Variants in AFF2 observed in about 807,000 individuals in gnomAD.
The protein encoded by AFF2 is AF4/FMR2 family member 2.
AFF2 carries 14 observed loss-of-function variants against 76.9 expected under a neutral mutation model. That is an observed-to-expected ratio of 0.18 (90% CI 0.12 to 0.28). The LOEUF (loss-of-function observed/expected upper bound fraction) is 0.28, where lower values mean the gene tolerates loss of function less well. Among genes scored for constraint, AFF2 ranks in the 10% least tolerant of loss-of-function variants. The pLI, the probability that AFF2 is intolerant of heterozygous loss-of-function variation, is 1.00. For synonymous variants in AFF2, 398 were observed against 366.7 expected (o/e 1.09, Z -0.98); for missense variants, 868 against 1,001.1 (o/e 0.87, Z 1.79).
chrX:148,920,314 A>T (rs898150373), intron 9 of AFF2, among the ~76,000 whole-genome samples: 1 of 111,872 alleles, frequency 8.9e-6, no homozygotes, highest in Admixed American at 9.5e-5. Flanking sequence ...ATGTTAGTTT[A>T]TCCTGACATA....
intron 3 of AFF2, among the ~76,000 whole-genome samples, chrX:148,676,057 A>AT (rs59875267): frequency 0.028 from 2,525 of 91,470 alleles, 54 homozygotes; most frequent in African/African-American, 0.058. Flanking sequence ...ATGAATTGTG[A>AT]TTTTTTTTTT....
chrX:148,806,462 G>A (rs2070134865), intron 3 of AFF2, among the ~76,000 whole-genome samples: 1 of 111,801 alleles, frequency 8.9e-6, no homozygotes, highest in Non-Finnish European at 1.9e-5. Context: ...CGGTGAACCC[G>A]GTAGGTACCC....
intron 9 of AFF2, among the ~76,000 whole-genome samples, chrX:148,926,557 G>A (rs1315815734): frequency 1.8e-5 from 2 of 111,796 alleles, no homozygotes; most frequent in African/African-American, 6.5e-5. Flanking sequence ...TTGCAGAGCA[G>A]CAATGGAAGT....
chrX:148,538,130 A>G (rs1557236880), intron 1 of AFF2, among the ~76,000 whole-genome samples: 1 of 112,862 alleles, frequency 8.9e-6, no homozygotes, highest in Non-Finnish European at 1.9e-5. Context: ...ATTTGACTGA[A>G]TTCAAGAAAA....
At chrX:148,915,319 C>G (rs1246108340) in intron 9 of AFF2, among the ~76,000 whole-genome samples, 3 of 112,255 alleles carry the variant, frequency 2.7e-5, no homozygotes, top group African/African-American at 9.7e-5. Context: ...CCTCATGCAC[C>G]ATGGTAATTT....
intron 1 of AFF2, among the ~76,000 whole-genome samples, chrX:148,616,508 T>C (rs1557250354): frequency 9.0e-6 from 1 of 111,568 alleles, no homozygotes; most frequent in Non-Finnish European, 1.9e-5. Context: ...TGTAAGTTGG[T>C]ATACAATAAC....
At chrX:148,534,985 C>T (rs1350285627) in intron 1 of AFF2, among the ~76,000 whole-genome samples, 1 of 111,624 alleles carries the variant, frequency 9.0e-6, no homozygotes, top group African/African-American at 3.3e-5. Context: ...GCTTTGTGGT[C>T]AGAGAGACAT....
chrX:148,592,108 G>A (rs781810903), intron 1 of AFF2, among the ~76,000 whole-genome samples: 2 of 111,768 alleles, frequency 1.8e-5, no homozygotes, highest in African/African-American at 6.5e-5. Context: ...ACCATCAATC[G>A]AGCAGCTGCC....
chrX:148,812,568 T>C (rs1380610763), intron 4 of AFF2, among the ~76,000 whole-genome samples: 1 of 111,427 alleles, frequency 9.0e-6, no homozygotes, highest in Non-Finnish European at 1.9e-5. Flanking sequence ...ATTGTTTGCA[T>C]CTGCACCATG....
intron 3 of AFF2, among the ~76,000 whole-genome samples, chrX:148,775,463 G>C (rs1198748328): frequency 8.9e-6 from 1 of 112,080 alleles, no homozygotes; most frequent in East Asian, 2.8e-4. Context: ...GTGAAGCAAA[G>C]TGAGGACCAA....
At chrX:148,985,746 C>T (rs782506394) in intron 19 of AFF2, among the ~76,000 whole-genome samples, 10 of 110,618 alleles carry the variant, frequency 9.0e-5, no homozygotes, top group South Asian at 3.9e-4. Flanking sequence ...CAAGAAGTGA[C>T]GAAGTAGCTC....
chrX:148,599,555 T>G (rs2053607005), intron 1 of AFF2, among the ~76,000 whole-genome samples: 2 of 111,033 alleles, frequency 1.8e-5, no homozygotes, highest in Admixed American at 9.6e-5. Flanking sequence ...AGGCAGAAGA[T>G]ATAGGCAATC....
At chrX:148,763,501 A>G (rs1038767357) in intron 3 of AFF2, among the ~76,000 whole-genome samples, 2 of 109,920 alleles carry the variant, frequency 1.8e-5, no homozygotes, top group Admixed American at 2.0e-4. Context: ...AGTAGGTGAT[A>G]TGGCATGGTG....
At chrX:148,875,763 T>C in intron 7 of AFF2, among the ~76,000 whole-genome samples, 1 of 111,240 alleles carries the variant, frequency 9.0e-6, no homozygotes, top group Admixed American at 9.6e-5. Flanking sequence ...AAGTATATTT[T>C]TGGCCTCTAT....
intron 2 of AFF2, among the ~76,000 whole-genome samples, chrX:148,661,050 T>G (rs1557257649): frequency 8.9e-6 from 1 of 112,619 alleles, no homozygotes; most frequent in African/African-American, 3.2e-5. Flanking sequence ...GTAGCTGGTA[T>G]ACTGATTGTC....
Position 148,745,013 on chromosome X carries a change from A to G in AFF2, c.1042-64863A>G, listed in dbSNP as rs782226595. On this transcript the variant is annotated intron_variant, in intron 3 of 20. Transcript: ENST00000370460. ...ATAAAGGATAGGCTAGGATTTTTCA[A>G]GTTGTCTCTACCATGGCACAGGGAA... 1.3e-4 allele frequency among the ~76,000 whole-genome samples: 14 copies of G among 111,654 alleles called. No individual in the cohort carries two copies. The East Asian group carries it at 3.1e-3, about 25-fold the overall frequency.
intron 8 of AFF2, among the ~76,000 whole-genome samples, chrX:148,893,067 A>G (rs960987227): frequency 1.8e-5 from 2 of 112,148 alleles, no homozygotes; most frequent in Non-Finnish European, 3.8e-5. Flanking sequence ...GAATGATAGC[A>G]TTTGGGCCGT....
At chrX:148,614,693 T>C (rs782706113) in intron 1 of AFF2, among the ~76,000 whole-genome samples, 3 of 56,122 alleles carry the variant, frequency 5.3e-5, no homozygotes, top group Admixed American at 3.3e-4. Flanking sequence ...TCCTTCTTTC[T>C]TTTCTTTCTT....
chrX:148,559,319 G>A (rs1452234464), intron 1 of AFF2, among the ~76,000 whole-genome samples: 1 of 111,153 alleles, frequency 9.0e-6, no homozygotes, highest in Non-Finnish European at 1.9e-5. Context: ...TGTGGAGAAC[G>A]TTACAGGATT....
Sources: allele counts gnomAD v4.1 joint callset (sites outside exome capture counted in the v4.1 genomes callset), GRCh38; gene constraint gnomAD v4.1.1; transcripts MANE v1.5; gene names NCBI Gene and HGNC (gene_info 2026-07-23, HGNC 2026-07-21).